The following CDH12 variants were observed in gnomAD, a reference collection of about 807,000 sequenced individuals.
The protein encoded by CDH12 is cadherin-12.
CDH12 carries 41 observed loss-of-function variants against 74.1 expected under a neutral mutation model. The ratio of observed to expected loss-of-function variants is 0.55; its 90% CI spans 0.43 to 0.72. The LOEUF (loss-of-function observed/expected upper bound fraction) is 0.72. Ranked by LOEUF, CDH12 falls within the 30% of genes least tolerant of loss-of-function variation. CDH12 has a pLI of 0.00. For missense variants in CDH12, 945 were observed against 977.2 expected (o/e 0.97, Z 0.44); for synonymous variants, 399 against 355.0 (o/e 1.12, Z -1.39).
chr5:22,533,118 C>T lies in CDH12; in HGVS notation c.-522-27754G>A, dbSNP rs1737668008. Among the ~76,000 whole-genome samples the T allele has an allele frequency of 2.6e-5, 4 of 152,076 alleles. No homozygotes were observed. The South Asian group carries it at 8.3e-4, about 31-fold the overall frequency. On this transcript the variant is annotated intron_variant, in intron 1 of 14. Coordinates refer to ENST00000382254, the MANE Select transcript of CDH12 (RefSeq NM_004061.5). ...TTTTCTTTTTTCTTTTTCCTTCATC[C>T]ATTGGCTGTTTTTCTCCTGTATCAG...
intron 1 of CDH12, among the ~76,000 whole-genome samples, chr5:22,634,697 T>C (rs575807983): frequency 5.3e-5 from 8 of 152,210 alleles, no homozygotes; most frequent in Admixed American, 2.6e-4. Context: ...CAAAAATCAA[T>C]TGAATACTAG....
chr5:21,771,338 A>G (rs1477514141), intron 11 of CDH12, among the ~76,000 whole-genome samples: 1 of 152,166 alleles, frequency 6.6e-6, no homozygotes, highest in Non-Finnish European at 1.5e-5. Context: ...TAATAAATGA[A>G]TGATATAGGT....
chr5:22,747,157 A>T (rs1001866385), intron 1 of CDH12, among the ~76,000 whole-genome samples: 2 of 152,182 alleles, frequency 1.3e-5, no homozygotes, highest in Non-Finnish European at 2.9e-5. Flanking sequence ...ATGTCATGCC[A>T]TGTAAATAAT....
chr5:22,342,033 G>A (rs1352836523), intron 3 of CDH12, among the ~76,000 whole-genome samples: 1 of 152,148 alleles, frequency 6.6e-6, no homozygotes, highest in African/African-American at 2.4e-5. Context: ...TTCAGATCTT[G>A]GTGGGGTCCC....
intron 1 of CDH12, among the ~76,000 whole-genome samples, chr5:22,553,587 A>G (rs908866145): frequency 6.6e-6 from 1 of 152,072 alleles, no homozygotes; most frequent in African/African-American, 2.4e-5. Context: ...GATCTATATG[A>G]AAAAAAACTA....
intron 5 of CDH12, among the ~76,000 whole-genome samples, chr5:22,066,155 AT>A (rs991060546): frequency 5.3e-5 from 8 of 151,862 alleles, no homozygotes; most frequent in African/African-American, 1.9e-4. Flanking sequence ...AATGTTTCTA[AT>A]TTTTTTTAAT....
chr5:22,835,601 G>A (rs1736785871), intron 1 of CDH12, among the ~76,000 whole-genome samples: 1 of 152,098 alleles, frequency 6.6e-6, no homozygotes, highest in South Asian at 2.1e-4. Flanking sequence ...GTGAATCTTA[G>A]AATTTTTCTA....
Position 21,938,826 on chromosome 5 carries a change from G to A in CDH12, c.526+36265C>T, listed in dbSNP as rs531349992. On this transcript the variant is annotated intron_variant, in intron 6 of 14. Transcript: ENST00000382254. ...AAGGACTTCAATTTTTACCAGGTTTGAAAGGGGAGCAGTCCTTTGAATTAG... is the reference window on the plus strand; with the variant it reads ...AAGGACTTCAATTTTTACCAGGTTTAAAAGGGGAGCAGTCCTTTGAATTAG... 2.4e-4 allele frequency among the ~76,000 whole-genome samples: 35 copies of A among 148,072 alleles called. No individual in the cohort carries two copies. The South Asian group carries it at 7.4e-3, about 31-fold the overall frequency.
At chr5:21,868,439 GC>G (rs1751447892) in intron 6 of CDH12, among the ~76,000 whole-genome samples, 2 of 152,126 alleles carry the variant, frequency 1.3e-5, no homozygotes, top group African/African-American at 4.8e-5. Context: ...AAAGCTATAG[GC>G]ATAAGACTCT....
chr5:21,996,240 G>T, intron 5 of CDH12, among the ~76,000 whole-genome samples: 1 of 151,912 alleles, frequency 6.6e-6, no homozygotes, highest in Non-Finnish European at 1.5e-5. Flanking sequence ...TGTCTGAAGG[G>T]ATCGGCCCTC....
intron 5 of CDH12, among the ~76,000 whole-genome samples, chr5:22,068,249 G>T (rs896369585): frequency 6.6e-6 from 1 of 152,028 alleles, no homozygotes; most frequent in Non-Finnish European, 1.5e-5. Context: ...AGACCCAAAT[G>T]CCCCCATTCC....
Position 21,755,701 on chromosome 5 carries a change from C to T in CDH12, c.1775G>A (p.Cys592Tyr). 1 of 1,614,136 alleles carries T rather than the reference C, an allele frequency of 6.2e-7. No homozygotes were observed. The highest frequency in any genetic ancestry group is 8.5e-7 in the Non-Finnish European group (1 of 1,180,018). ...TNTMTIRVCR[C>Y]DSDGTILSCN... ...AGACAGGATGGTGCCATCAGAGTCA[C>T]ATCTACAGACTCGAATAGTCATTGT... The change falls in exon 14 of 15, where the codon TGT becomes TAT. Residue 592 changes from cysteine to tyrosine, a missense_variant. Coordinates refer to ENST00000382254, the MANE Select transcript of CDH12 (RefSeq NM_004061.5).
chr5:21,843,011 C>G (rs532724555), intron 7 of CDH12, among the ~76,000 whole-genome samples: 32 of 152,258 alleles, frequency 2.1e-4, no homozygotes, highest in Middle Eastern at 6.8e-3. Context: ...GTGAACTTTA[C>G]AGTACATGTA....
intron 4 of CDH12, among the ~76,000 whole-genome samples, chr5:22,126,561 T>C (rs1393931493): frequency 6.6e-6 from 1 of 152,182 alleles, no homozygotes; most frequent in Non-Finnish European, 1.5e-5. Context: ...TTGAGTAAAA[T>C]ATAAAAAGTG....
intron 2 of CDH12, among the ~76,000 whole-genome samples, chr5:22,468,658 C>A (rs1034412961): frequency 1.3e-5 from 2 of 151,852 alleles, no homozygotes; most frequent in African/African-American, 2.4e-5. Context: ...CTGGTTTGAA[C>A]CTATAAAACA....
intron 2 of CDH12, among the ~76,000 whole-genome samples, chr5:22,493,955 A>G (rs2126644745): frequency 6.6e-6 from 1 of 152,186 alleles, no homozygotes; most frequent in Non-Finnish European, 1.5e-5. Context: ...TGGCAGTGGG[A>G]TGGTCCAGGG....
intron 5 of CDH12, among the ~76,000 whole-genome samples, chr5:22,053,154 T>C (rs1341103665): frequency 1.3e-5 from 2 of 152,060 alleles, no homozygotes; most frequent in Non-Finnish European, 1.5e-5. Context: ...TTAAAAATAT[T>C]TGGCACGGTG....
intron 5 of CDH12, among the ~76,000 whole-genome samples, chr5:22,059,791 C>G (rs1285163722): frequency 6.6e-6 from 1 of 152,038 alleles, no homozygotes; most frequent in Non-Finnish European, 1.5e-5. Context: ...TATAAACTTT[C>G]CACTCCTTAT....
intron 2 of CDH12, among the ~76,000 whole-genome samples, chr5:22,423,665 C>T (rs1229670101): frequency 6.6e-6 from 1 of 152,104 alleles, no homozygotes; most frequent in Non-Finnish European, 1.5e-5. Context: ...AGATCCCAAA[C>T]TTCAAGCCTG....
Sources: gnomAD v4.1 joint callset for allele counts (sites outside exome capture counted in the v4.1 genomes callset) on GRCh38, gnomAD v4.1.1 for gene constraint, MANE v1.5 for transcripts, NCBI Gene and HGNC (gene_info 2026-07-23, HGNC 2026-07-21) for gene names.